PRKDC: variants seen among roughly 807,000 people sequenced by gnomAD.
PRKDC encodes protein kinase, DNA-activated, catalytic subunit.
A neutral mutation model predicts 486.9 loss-of-function variants in PRKDC; 82 were observed. The ratio of observed to expected loss-of-function variants is 0.17; its 90% confidence interval spans 0.14 to 0.20. PRKDC has a LOEUF of 0.20. Ranked by LOEUF, PRKDC falls within the 10% of genes least tolerant of loss-of-function variation. The probability of loss-of-function intolerance (pLI) is 1.00; values close to 1 mark genes in which losing one functional copy is unlikely to be tolerated. For synonymous variants in PRKDC, 1,895 were observed against 1,837.0 expected, an observed-to-expected ratio of 1.03 and a Z score of -0.81; for missense variants, 4,504 against 5,038.2, an observed-to-expected ratio of 0.89 and a Z score of 3.21.
intron 26 of PRKDC, among the ~76,000 whole-genome samples, chr8:47,903,984 C>T (rs2089728833): frequency 6.6e-6 from 1 of 152,150 alleles, no homozygotes; most frequent in African/African-American, 2.4e-5. Flanking sequence ...AAAGATCACA[C>T]TCAGAGTACA....
intron 25 of PRKDC, among the ~76,000 whole-genome samples, chr8:47,908,095 C>G (rs1351771775): frequency 1.3e-5 from 2 of 152,234 alleles, no homozygotes; most frequent in African/African-American, 4.8e-5. Context: ...ACTGTGGTCA[C>G]TCAATCCGAG....
intron 30 of PRKDC, 30 bp downstream of exon 30, chr8:47,897,131 G>A (rs764934936): frequency 3.2e-6 from 5 of 1,549,286 alleles, no homozygotes; most frequent in Non-Finnish European, 8.8e-7. Context: ...AAGCACCGTG[G>A]TGAAATTAAA....
chr8:47,813,999 G>C (rs1339345147), intron 68 of PRKDC, among the ~76,000 whole-genome samples: 1 of 152,174 alleles, frequency 6.6e-6, no homozygotes, highest in Non-Finnish European at 1.5e-5. Context: ...ATCCCACTTG[G>C]ATGTAGATGC....
chr8:47,829,874 T>C (rs1025686207), intron 61 of PRKDC, among the ~76,000 whole-genome samples: 2 of 152,196 alleles, frequency 1.3e-5, no homozygotes, highest in Non-Finnish European at 2.9e-5. Context: ...ACAGAATCAA[T>C]GCTAATTCTA....
chr8:47,794,349 G>C lies in PRKDC; in HGVS notation c.10611C>G (p.Ser3537Arg), dbSNP rs765260421. 2 of 1,613,530 alleles carry C rather than the reference G, an allele frequency of 1.2e-6. No individual in the cohort carries two copies. The highest frequency in any genetic ancestry group is 1.3e-5 in the African/African-American group (1 of 74,892). Residue 3537 changes from serine (S) to arginine (R), a missense_variant, in exon 74 of 86, where the codon AGC becomes AGG. By Grantham distance (110) the Ser-to-Arg change is moderately radical (BLOSUM62 -1). This residue lies in a region of PRKDC where 706 missense variants were observed against 945.0 expected (regional missense o/e 0.75). Coordinates refer to ENST00000314191, the MANE Select transcript of PRKDC (RefSeq NM_006904.7). ...QAIVYPFIIS[S>R]ESYSFKDTST... ...AAGTATCCTTGAAGGAATAGCTTTC[G>C]CTGCTTATGATGAAGGGATAAACAA...
intron 7 of PRKDC, among the ~76,000 whole-genome samples, chr8:47,952,761 T>G (rs1026787366): frequency 6.6e-6 from 1 of 152,062 alleles, no homozygotes; most frequent in African/African-American, 2.4e-5. Flanking sequence ...CCCAGAACTT[T>G]AGGAAGTTGA....
At chr8:47,776,744 C>CT in intron 85 of PRKDC, 100 bp downstream of exon 85, 1 of 1,429,800 alleles carries the variant, frequency 7.0e-7, no homozygotes, top group South Asian at 1.3e-5. Context: ...GTCATGCTAA[C>CT]AGAGTGTCAA....
At chr8:47,894,035 C>A (rs1334972237) in intron 30 of PRKDC, among the ~76,000 whole-genome samples, 1 of 152,106 alleles carries the variant, frequency 6.6e-6, no homozygotes, top group Admixed American at 6.5e-5. Context: ...AATCCCAGCA[C>A]TTTGGGGGGC....
At position 47,778,623 on chromosome 8, in the gene PRKDC, A is replaced by G; in HGVS notation, c.11689T>C (p.Phe3897Leu). 1 of 1,613,736 alleles carries G rather than the reference A, an allele frequency of 6.2e-7. No individual in the cohort carries two copies. Among genetic ancestry groups the G allele is most frequent in the Non-Finnish European group, 8.5e-7 (1 of 1,179,778 alleles). Residue 3897 changes from phenylalanine to leucine, a missense_variant, in exon 83 of 86, where the codon TTC becomes CTC. Phe to Leu is a conservative substitution (Grantham distance 22). Coordinates refer to ENST00000314191, the MANE Select transcript of PRKDC (RefSeq NM_006904.7). ...GCGAAGTGGGAGCGGAGCGCCAGGA[A>G]AGCCTCAGGGCTTGTACTCATCCTC... The part of the protein sequence containing the change: ...FVRMSTSPEA[F>L]LALRSHFASS...
At chr8:47,892,014 G>A (rs1171138490) in intron 31 of PRKDC, among the ~76,000 whole-genome samples, 2 of 151,926 alleles carry the variant, frequency 1.3e-5, no homozygotes, top group African/African-American at 4.8e-5. Flanking sequence ...GATTAACAGG[G>A]ACCTGCCACC....
chr8:47,837,185 C>A (rs775747498), intron 57 of PRKDC, 27 bp downstream of exon 57: 28 of 1,580,238 alleles, frequency 1.8e-5, no homozygotes, highest in Admixed American at 1.0e-4. Context: ...ATAATATTCA[C>A]TACTATGAGA....
chr8:47,776,772 T>C (rs1042015446), intron 85 of PRKDC, 72 bp downstream of exon 85: 9 of 1,550,456 alleles, frequency 5.8e-6, no homozygotes, highest in African/African-American at 1.4e-5. Flanking sequence ...GCACTTTGTA[T>C]ATATGTTGGC....
rs2086557601 is a variant in PRKDC, at chr8:47,773,630, TAA to T, written c.*541_*542del. Reference sequence around the variant, plus strand: ...AAGGAAAAAACCTAGAAAAATATCCTAAAATATCAAATGCAGTCATTTCTAAA... The same window carrying T: ...AAGGAAAAAACCTAGAAAAATATCCTAATATCAAATGCAGTCATTTCTAAA... On this transcript the variant is annotated 3_prime_UTR_variant, in exon 86 of 86. Transcript: ENST00000314191. 4.5e-6 allele frequency: 1 copy of T among 220,632 alleles called. No individual in the cohort carries two copies. The highest frequency in any genetic ancestry group is 9.1e-6 in the Non-Finnish European group (1 of 110,304). The allele number at this position is 220,632 out of a possible 1,614,324, so 13.7% of individuals were successfully genotyped here.
intron 67 of PRKDC, 73 bp downstream of exon 67, chr8:47,819,329 G>T: frequency 1.0e-6 from 1 of 983,982 alleles, no homozygotes; most frequent in Non-Finnish European, 1.5e-6. Flanking sequence ...CTTTCACTAA[G>T]CAGAAAATAA....
chr8:47,821,549 T>C lies in PRKDC; in HGVS notation c.9111+55A>G, dbSNP rs2087595711. ...AAATGTTTTAAACAATTTTGTTAAGTAGAAAACACCTATCTAAAATAATTA... is the reference window on the plus strand; with the variant it reads ...AAATGTTTTAAACAATTTTGTTAAGCAGAAAACACCTATCTAAAATAATTA... On this transcript the variant is annotated intron_variant, in intron 65 of 85. Transcript: ENST00000314191. The C allele has an allele frequency of 8.0e-6, 12 of 1,507,334 alleles. No homozygotes were observed. The East Asian group carries it at 2.7e-4, about 34-fold the overall frequency. The allele number at this position is 1,507,334 out of a possible 1,614,324, so 93.4% of individuals were successfully genotyped here.
chr8:47,823,743 G>A (rs1019195229), intron 64 of PRKDC, 115 bp downstream of exon 64: 114 of 1,263,662 alleles, frequency 9.0e-5, no homozygotes, highest in African/African-American at 1.2e-4. Flanking sequence ...ACATTGTAAC[G>A]AAAAGACATT....
chr8:47,850,945 G>T (rs1056320220), intron 52 of PRKDC, among the ~76,000 whole-genome samples: 2 of 152,196 alleles, frequency 1.3e-5, no homozygotes, highest in Non-Finnish European at 2.9e-5. Flanking sequence ...GAGTAGCTGG[G>T]ATTATGGGAG....
rs2087530251 is a variant in PRKDC at position 47,819,391 on chromosome 8, A to T, written c.9445+11T>A. 8.8e-6 allele frequency: 13 copies of T among 1,475,952 alleles called. No individual in the cohort carries two copies. The highest frequency in any genetic ancestry group is 1.2e-5 in the Non-Finnish European group (13 of 1,095,064). 91.4% of individuals were successfully genotyped at this position (1,475,952 alleles called of 1,614,324 possible). A position where few individuals can be genotyped will look rare whatever the true frequency, so the allele number is the denominator to read the frequency against. ...TAGAAATGAAAAAAAAAGACCGATGAAAAAAATTACCTTGTTTGCTTATAA... is the reference window on the plus strand; with the variant it reads ...TAGAAATGAAAAAAAAAGACCGATGTAAAAAATTACCTTGTTTGCTTATAA... On this transcript the variant is annotated intron_variant, in intron 67 of 85. Transcript: ENST00000314191.
chr8:47,944,359 G>A (rs144582204), intron 7 of PRKDC, among the ~76,000 whole-genome samples: 141 of 151,754 alleles, frequency 9.3e-4, no homozygotes, highest in African/African-American at 3.3e-3. Context: ...TTGCAATAGG[G>A]ACCGTATATA....
Sources: gnomAD v4.1 joint callset for allele counts (sites outside exome capture counted in the v4.1 genomes callset) on GRCh38, gnomAD v4.1.1 for gene constraint, gnomAD v4.1.1 regional missense constraint, MANE v1.5 for transcripts, NCBI Gene and HGNC (gene_info 2026-07-23, HGNC 2026-07-21) for gene names.